The following SLC35F1 variants were observed in gnomAD, a reference collection of about 807,000 sequenced individuals.
SLC35F1 encodes solute carrier family 35 member F1, also known as chromosome 6 open reading frame 169.
In SLC35F1, 14 loss-of-function variants were observed where a neutral mutation model predicts 48.7. That is an observed-to-expected ratio of 0.29 (90% CI 0.19 to 0.45). SLC35F1 has a LOEUF of 0.45. Ranked by LOEUF, SLC35F1 falls within the 20% of genes least tolerant of loss-of-function variation. SLC35F1 has a pLI of 1.00. For synonymous variants in SLC35F1, 190 were observed against 202.2 expected, an observed-to-expected ratio of 0.94 and a Z score of 0.51; for missense variants, 404 against 500.0, an observed-to-expected ratio of 0.81 and a Z score of 1.83.
intron 1 of SLC35F1, among the ~76,000 whole-genome samples, chr6:118,003,946 T>C (rs1777140734): frequency 6.6e-6 from 1 of 152,218 alleles, no homozygotes; most frequent in Non-Finnish European, 1.5e-5. Flanking sequence ...GAAGTAGGGA[T>C]AGTGATATCT....
chr6:118,013,586 C>A (rs1582619185), intron 1 of SLC35F1, among the ~76,000 whole-genome samples: 1 of 152,290 alleles, frequency 6.6e-6, no homozygotes, highest in South Asian at 2.1e-4. Flanking sequence ...TTTTGTGAGG[C>A]TATGCTAATG....
At chr6:117,950,215 T>A (rs188665887) in intron 1 of SLC35F1, among the ~76,000 whole-genome samples, 1 of 152,316 alleles carries the variant, frequency 6.6e-6, no homozygotes, top group East Asian at 1.9e-4. Context: ...TGACTCTAAG[T>A]GGCAATAAGA....
chr6:118,299,516 CATT>C (rs1185083146), intron 7 of SLC35F1, among the ~76,000 whole-genome samples: 4 of 152,094 alleles, frequency 2.6e-5, no homozygotes, highest in Admixed American at 2.6e-4. Flanking sequence ...ATTAAAATAA[CATT>C]ATCGGAATAT....
At chr6:118,087,296 CCTAGA>C (rs1773005456) in intron 1 of SLC35F1, among the ~76,000 whole-genome samples, 3 of 152,148 alleles carry the variant, frequency 2.0e-5, no homozygotes, top group African/African-American at 7.2e-5. Context: ...TGGATTAGAG[CCTAGA>C]CTAAAGAACT....
At chr6:118,239,276 G>A (rs1310894367) in intron 3 of SLC35F1, among the ~76,000 whole-genome samples, 1 of 149,658 alleles carries the variant, frequency 6.7e-6, no homozygotes, top group Non-Finnish European at 1.5e-5. Context: ...GAAGTTAATT[G>A]TATACATTGA....
At chr6:118,266,872 A>C in intron 3 of SLC35F1, 123 bp from the exon 4 acceptor site, 1 of 1,031,996 alleles carries the variant, frequency 9.7e-7, no homozygotes, top group East Asian at 2.4e-5. Flanking sequence ...CTGGGTCTAC[A>C]CAAAATCTCA....
intron 1 of SLC35F1, among the ~76,000 whole-genome samples, chr6:118,126,055 A>G (rs1342077761): frequency 6.6e-6 from 1 of 152,210 alleles, no homozygotes; most frequent in African/African-American, 2.4e-5. Flanking sequence ...TAAATTCAGA[A>G]CATATACATT....
intron 2 of SLC35F1, among the ~76,000 whole-genome samples, chr6:118,235,055 T>C (rs1025330768): frequency 7.2e-5 from 11 of 152,186 alleles, no homozygotes; most frequent in Non-Finnish European, 1.0e-4. Context: ...CAGGATAGCA[T>C]CTCAGAGTCT....
chr6:118,088,464 C>T (rs1773024128), intron 1 of SLC35F1, among the ~76,000 whole-genome samples: 1 of 152,168 alleles, frequency 6.6e-6, no homozygotes, highest in Admixed American at 6.5e-5. Context: ...ATTATTGAGT[C>T]TAGTAAATAG....
intron 1 of SLC35F1, among the ~76,000 whole-genome samples, chr6:117,949,805 G>A (rs1776339742): frequency 6.6e-6 from 1 of 152,118 alleles, no homozygotes; most frequent in African/African-American, 2.4e-5. Flanking sequence ...TGCACCACCT[G>A]AAGAGCCACA....
At chr6:118,080,776 G>A (rs1478206355) in intron 1 of SLC35F1, among the ~76,000 whole-genome samples, 9 of 152,158 alleles carry the variant, frequency 5.9e-5, no homozygotes, top group Admixed American at 5.2e-4. Context: ...TCATCTCCTT[G>A]CAGGGAAACA....
At chr6:118,021,420 A>C (rs1777392103) in intron 1 of SLC35F1, among the ~76,000 whole-genome samples, 1 of 152,192 alleles carries the variant, frequency 6.6e-6, no homozygotes, top group Admixed American at 6.5e-5. Flanking sequence ...GACTTTAGTA[A>C]CATGCATGTC....
intron 2 of SLC35F1, among the ~76,000 whole-genome samples, chr6:118,226,861 C>A (rs1430284932): frequency 6.6e-6 from 1 of 151,956 alleles, no homozygotes; most frequent in African/African-American, 2.4e-5. Flanking sequence ...ATGTTCCTAG[C>A]ATAAAGAAAA....
rs1775356389 is a variant in SLC35F1, at chr6:118,235,737, A to G, written c.477+101A>G. The G allele has an allele frequency of 2.5e-5, 31 of 1,252,772 alleles. No homozygotes were observed. The East Asian group carries it at 7.2e-4, about 29-fold the overall frequency. 77.6% of individuals were successfully genotyped at this position (1,252,772 alleles called of 1,614,324 possible). ...CTCTATACTACAAGTTACTATCTGT[A>G]TACTATACTATAGTATACAGACTGC... On this transcript the variant is annotated intron_variant, in intron 3 of 7. Transcript: ENST00000360388.
chr6:117,911,324 C>T (rs947242163), intron 1 of SLC35F1, among the ~76,000 whole-genome samples: 10 of 152,084 alleles, frequency 6.6e-5, no homozygotes, highest in Admixed American at 1.3e-4. Context: ...AAATTGTGAA[C>T]CAATCAATAT....
chr6:118,159,220 C>CAAAAAAAAA lies in SLC35F1; in HGVS notation c.349+4619_349+4627dup, dbSNP rs60060945. Among the ~76,000 whole-genome samples, 2 of 43,850 alleles carry CAAAAAAAAA rather than the reference C, an allele frequency of 4.6e-5. 1 individual carries two copies. The highest frequency in any genetic ancestry group is 2.4e-4 in the African/African-American group (2 of 8,498). The allele number at this position is 43,850 out of a possible 152,430, so 28.8% of individuals were successfully genotyped here. A position where few individuals can be genotyped will look rare whatever the true frequency, so the allele number is the denominator to read the frequency against. ...TGGGCCATAGAGCGAGACTCTGTCT[C>CAAAAAAAAA]AAAAAAAAAAAAAAAAAAAAAAAAA... On this transcript the variant is annotated intron_variant, in intron 2 of 7. Coordinates refer to ENST00000360388, the MANE Select transcript of SLC35F1 (RefSeq NM_001029858.4).
In SLC35F1 at chr6:118,222,186, C is replaced by T. The variant is rs529388818; in HGVS notation, c.350-13323C>T. 2.3e-3 allele frequency among the ~76,000 whole-genome samples: 353 copies of T among 152,202 alleles called. 1 individual carries two copies. The highest frequency in any genetic ancestry group is 8.1e-3 in the African/African-American group (335 of 41,536). Reference sequence around the variant, plus strand: ...TTTGAGTCAGAAAGTCTGGGGTGGGCCTGAGATTCTGCATTTTAAAAAGCT... The same window carrying T: ...TTTGAGTCAGAAAGTCTGGGGTGGGTCTGAGATTCTGCATTTTAAAAAGCT... On this transcript the variant is annotated intron_variant, in intron 2 of 7. Coordinates refer to ENST00000360388, the MANE Select transcript of SLC35F1 (RefSeq NM_001029858.4).
chr6:118,003,532 G>T (rs1224974132), intron 1 of SLC35F1, among the ~76,000 whole-genome samples: 1 of 152,166 alleles, frequency 6.6e-6, no homozygotes, highest in Non-Finnish European at 1.5e-5. Context: ...CCTTTGAGGG[G>T]CATTTCTGGA....
chr6:118,051,020 A>G (rs1772382001), intron 1 of SLC35F1, among the ~76,000 whole-genome samples: 1 of 152,178 alleles, frequency 6.6e-6, no homozygotes, highest in South Asian at 2.1e-4. Flanking sequence ...CTGCTATCAA[A>G]TAAAGATATA....
Sources: allele counts gnomAD v4.1 joint callset (sites outside exome capture counted in the v4.1 genomes callset), GRCh38; gene constraint gnomAD v4.1.1; transcripts MANE v1.5; gene names NCBI Gene and HGNC (gene_info 2026-07-23, HGNC 2026-07-21).